The following PUDP variants were observed in gnomAD, a reference collection of about 807,000 sequenced individuals.
The protein encoded by PUDP is pseudouridine-5'-phosphatase.
A neutral mutation model predicts 9.4 loss-of-function variants in PUDP; 8 were observed. That is an observed-to-expected ratio of 0.85 (90% CI 0.50 to 1.53). PUDP has a LOEUF of 1.53. PUDP is among the 40% of genes most tolerant of loss of function. The probability of loss-of-function intolerance (pLI) is 0.00; values close to 1 mark genes in which losing one functional copy is unlikely to be tolerated. For missense variants in PUDP, 188 were observed against 189.7 expected (o/e 0.99, Z 0.05); for synonymous variants, 99 against 80.7 (o/e 1.23, Z -1.22).
chrX:6,922,554 A>G (rs1261444264), intron 3 of PUDP, among the ~76,000 whole-genome samples: 1 of 112,382 alleles, frequency 8.9e-6, no homozygotes, highest in Non-Finnish European at 1.9e-5. Context: ...AGCATATTAA[A>G]TTTATCTAGA....
At chrX:6,774,403 T>C (rs976421001) in intron 3 of PUDP, among the ~76,000 whole-genome samples, 2 of 112,161 alleles carry the variant, frequency 1.8e-5, no homozygotes, top group Non-Finnish European at 3.8e-5. Flanking sequence ...CTGAAATATA[T>C]GACTATGTTT....
chrX:6,855,875 T>TC (rs1474195234), intron 3 of PUDP, among the ~76,000 whole-genome samples: 2 of 111,466 alleles, frequency 1.8e-5, no homozygotes, highest in Non-Finnish European at 3.8e-5. Context: ...AACAACCCTC[T>TC]CCCTGGGCTA....
intron 2 of PUDP, among the ~76,000 whole-genome samples, chrX:7,091,300 A>C (rs1347444201): frequency 2.7e-5 from 3 of 111,827 alleles, no homozygotes; most frequent in Admixed American, 1.9e-4. Flanking sequence ...AGAATGTGGA[A>C]AGCTCTGGAA....
At chrX:7,130,603 C>A (rs983750503) in intron 1 of PUDP, among the ~76,000 whole-genome samples, 1 of 110,970 alleles carries the variant, frequency 9.0e-6, no homozygotes, top group Non-Finnish European at 1.9e-5. Context: ...CACTTGAGTC[C>A]AGGAGTTTGA....
chrX:7,128,401 T>C, intron 1 of PUDP, among the ~76,000 whole-genome samples: 1 of 111,861 alleles, frequency 8.9e-6, no homozygotes, highest in Middle Eastern at 4.6e-3. Flanking sequence ...AAAAGAAAGT[T>C]TTGAATCTAA....
intron 1 of PUDP, among the ~76,000 whole-genome samples, chrX:7,027,819 C>CTACATA (rs1555925011): frequency 1.1e-5 from 1 of 92,132 alleles, no homozygotes; most frequent in Non-Finnish European, 2.1e-5. Flanking sequence ...TATATATAGA[C>CTACATA]TATAGAATAT....
intron 3 of PUDP, among the ~76,000 whole-genome samples, chrX:6,816,576 T>C (rs1189366598): frequency 2.0e-5 from 2 of 101,632 alleles, no homozygotes; most frequent in Non-Finnish European, 3.9e-5. Flanking sequence ...ACATATATAG[T>C]ATAATATACG....
intron 3 of PUDP, among the ~76,000 whole-genome samples, chrX:6,955,691 C>G (rs752526019): frequency 1.8e-5 from 2 of 111,754 alleles, no homozygotes; most frequent in African/African-American, 6.5e-5. Context: ...CAATGAGCAC[C>G]AGAATTTGTC....
chrX:6,860,671 C>T (rs895873331), intron 3 of PUDP, among the ~76,000 whole-genome samples: 4 of 109,911 alleles, frequency 3.6e-5, no homozygotes, highest in African/African-American at 1.3e-4. Context: ...GGGGTTTCAG[C>T]ATGTGGGCCA....
chrX:7,003,696 G>A (rs2146810759), intron 1 of PUDP, among the ~76,000 whole-genome samples: 1 of 111,789 alleles, frequency 8.9e-6, no homozygotes, highest in South Asian at 3.8e-4. Flanking sequence ...CCCAGGCAAT[G>A]AGCACATACC....
At chrX:7,028,763 C>T (rs1255363178) in intron 1 of PUDP, among the ~76,000 whole-genome samples, 1 of 111,645 alleles carries the variant, frequency 9.0e-6, no homozygotes, top group East Asian at 2.8e-4. Context: ...TGGGTTTGCC[C>T]GGACTGACAT....
intron 1 of PUDP, among the ~76,000 whole-genome samples, chrX:7,008,270 A>T (rs1157158232): frequency 1.8e-5 from 2 of 111,356 alleles, no homozygotes; most frequent in East Asian, 2.8e-4. Context: ...GGCCAAAAAA[A>T]TTTTTTTTAA....
chrX:7,010,641 C>T (rs1462069363), intron 1 of PUDP, among the ~76,000 whole-genome samples: 2 of 111,694 alleles, frequency 1.8e-5, no homozygotes, highest in African/African-American at 6.5e-5. Context: ...TAGCCACCCA[C>T]CAGAACTGCC....
chrX:6,932,810 A>G (rs1434815291), intron 3 of PUDP, among the ~76,000 whole-genome samples: 1 of 111,845 alleles, frequency 8.9e-6, no homozygotes, highest in African/African-American at 3.2e-5. Context: ...GCGCACCACG[A>G]GATTATATCC....
At chrX:7,145,599 ATT>A (rs11294775) in intron 1 of PUDP, among the ~76,000 whole-genome samples, 106 of 101,216 alleles carry the variant, frequency 1.0e-3, no homozygotes, top group Admixed American at 1.1e-3. Flanking sequence ...ACCGAAGTGT[ATT>A]TTTTTTTTTT....
In PUDP at chrX:7,008,457, A is replaced by G. The variant is rs1186344229; in HGVS notation, c.205-30114T>C. ...CAGGTGGTGCTCTTCGGTGGTCAAC[A>G]CCAGGGTGGGTGGCTATGGCAGGGC... On this transcript the variant is annotated intron_variant and NMD_transcript_variant, in intron 1 of 3. Transcript: ENST00000655425. Among the ~76,000 whole-genome samples, 6 of 110,750 alleles carry G rather than the reference A, an allele frequency of 5.4e-5. No homozygotes were observed. The Admixed American group carries it at 5.7e-4, about 11-fold the overall frequency.
chrX:6,871,239 G>A (rs2146733940), intron 3 of PUDP, among the ~76,000 whole-genome samples: 1 of 111,337 alleles, frequency 9.0e-6, no homozygotes, highest in East Asian at 2.8e-4. Context: ...ATCTCTGACT[G>A]CCTTCTCTCT....
intron 3 of PUDP, among the ~76,000 whole-genome samples, chrX:6,916,411 GT>G (rs371625779): frequency 0.33 from 31,307 of 94,662 alleles, 4,089 homozygotes; most frequent in Middle Eastern, 0.47. Flanking sequence ...TGCATCCCCA[GT>G]TTTTTTTTTT....
chrX:7,097,477 A>G, intron 2 of PUDP, among the ~76,000 whole-genome samples: 1 of 111,174 alleles, frequency 9.0e-6, no homozygotes, highest in Non-Finnish European at 1.9e-5. Flanking sequence ...AGGAGCGGCC[A>G]CTACTCCAAG....
Sources: gnomAD v4.1 joint callset for allele counts (sites outside exome capture counted in the v4.1 genomes callset) on GRCh38, gnomAD v4.1.1 for gene constraint, MANE v1.5 for transcripts, NCBI Gene and HGNC (gene_info 2026-07-23, HGNC 2026-07-21) for gene names.